TMEM45B: variants seen among roughly 807,000 people sequenced by gnomAD.
TMEM45B encodes the protein transmembrane protein 45B.
A neutral mutation model predicts 27.3 loss-of-function variants in TMEM45B; 29 were observed. That is an observed-to-expected ratio of 1.06 (90% confidence interval 0.79 to 1.45). The LOEUF (loss-of-function observed/expected upper bound fraction) is 1.45. Among genes scored for constraint, TMEM45B ranks in the 40% most tolerant of loss-of-function variants. The probability of loss-of-function intolerance (pLI) is 0.00; values close to 1 mark genes in which losing one functional copy is unlikely to be tolerated. For synonymous variants in TMEM45B, 143 were observed against 134.7 expected, an observed-to-expected ratio of 1.06 and a Z score of -0.43; for missense variants, 348 against 343.9, an observed-to-expected ratio of 1.01 and a Z score of -0.09.
rs1947965762 is a variant in TMEM45B, at chr11:129,858,679, G to A, written c.822G>A (p.Glu274=). The change falls in exon 6 of 6, where the codon GAG becomes GAA. Residue 274 remains glutamate, a synonymous_variant. Coordinates refer to ENST00000281441, the MANE Select transcript of TMEM45B (RefSeq NM_138788.5). ...CCGCCCTCTTGAGTGGCTCAGATGA[G>A]GAATGAGCCGAGATGCGGAGGGCGC... ...YQTALLSGSD[E]E 3.2e-6 allele frequency: 5 copies of A among 1,557,752 alleles called. No individual in the cohort carries two copies. The highest frequency in any genetic ancestry group is 2.4e-5 in the East Asian group (1 of 42,452).
At chr11:129,857,743 A>T (rs761340115) in intron 5 of TMEM45B, among the ~76,000 whole-genome samples, 13 of 152,138 alleles carry the variant, frequency 8.5e-5, no homozygotes, top group Admixed American at 4.6e-4. Flanking sequence ...CTGAAATGGG[A>T]ATCAGTACTG....
At chr11:129,853,197 T>C (rs1289712081) in intron 2 of TMEM45B, among the ~76,000 whole-genome samples, 2 of 152,162 alleles carry the variant, frequency 1.3e-5, no homozygotes, top group Non-Finnish European at 2.9e-5. Flanking sequence ...TTTCCTTCAC[T>C]CTGCCCCATT....
chr11:129,847,696 G>A, intron 1 of TMEM45B, among the ~76,000 whole-genome samples: 1 of 151,898 alleles, frequency 6.6e-6, no homozygotes, highest in Non-Finnish European at 1.5e-5. Flanking sequence ...GAGAGCACAG[G>A]GTTGGGGGTA....
intron 1 of TMEM45B, 99 bp from the exon 2 acceptor site, chr11:129,852,376 A>C (rs528169945): frequency 9.4e-7 from 1 of 1,064,594 alleles, no homozygotes; most frequent in East Asian, 2.5e-5. Flanking sequence ...AACGTGGCTT[A>C]TGATTTGCAA....
intron 1 of TMEM45B, among the ~76,000 whole-genome samples, chr11:129,828,794 A>G (rs1039745113): frequency 1.3e-5 from 2 of 152,220 alleles, no homozygotes; most frequent in African/African-American, 4.8e-5. Flanking sequence ...CACACGTCTC[A>G]TTCCCATTAA....
chr11:129,858,589 GAA>G lies in TMEM45B; in HGVS notation c.733_734del (p.Lys245GlufsTer17), dbSNP rs1042783427. 6 of 1,586,246 alleles carry G rather than the reference GAA, an allele frequency of 3.8e-6. No individual in the cohort carries two copies. In the African/African-American group the frequency reaches 8.0e-5, roughly 21 times the overall value. On this transcript the variant is annotated frameshift_variant, in exon 6 of 6. Coordinates refer to ENST00000281441, the MANE Select transcript of TMEM45B (RefSeq NM_138788.5). LOFTEE classifies it high-confidence loss of function. ...TCTATTAAAGCCTTTTGACTCGGAT[GAA>G]GAGACACGGAAGGGGAGAAATCATT... The part of the protein sequence containing the change: ...SLVYCLLTRM[K>X]RHGRGEIIGI...
intron 1 of TMEM45B, among the ~76,000 whole-genome samples, chr11:129,834,158 C>T (rs566247831): frequency 3.9e-4 from 59 of 152,234 alleles, no homozygotes; most frequent in Middle Eastern, 3.4e-3. Flanking sequence ...TAGCCGGGCG[C>T]GGTGGCTCAC....
chr11:129,832,722 G>A (rs747933073), intron 1 of TMEM45B, among the ~76,000 whole-genome samples: 9 of 151,994 alleles, frequency 5.9e-5, no homozygotes, highest in East Asian at 1.9e-4. Context: ...TAAATTTTAC[G>A]GTACGTAAAT....
chr11:129,834,400 C>T (rs1947592409), intron 1 of TMEM45B, among the ~76,000 whole-genome samples: 1 of 151,594 alleles, frequency 6.6e-6, no homozygotes, highest in Non-Finnish European at 1.5e-5. Context: ...CACTGCACTC[C>T]AGCCTCGGCA....
At chr11:129,824,925 C>A (rs1947460376) in intron 1 of TMEM45B, among the ~76,000 whole-genome samples, 2 of 151,974 alleles carry the variant, frequency 1.3e-5, no homozygotes, top group South Asian at 2.1e-4. Context: ...TTAGAGGGGA[C>A]AACATGAGCA....
At chr11:129,835,628 CT>C (rs1947610849) in intron 1 of TMEM45B, among the ~76,000 whole-genome samples, 1 of 152,200 alleles carries the variant, frequency 6.6e-6, no homozygotes, top group East Asian at 1.9e-4. Flanking sequence ...CTACTGCCAC[CT>C]TGGGCCCAGG....
At chr11:129,843,637 A>C (rs1251128481) in intron 1 of TMEM45B, among the ~76,000 whole-genome samples, 1 of 151,666 alleles carries the variant, frequency 6.6e-6, no homozygotes, top group East Asian at 1.9e-4. Flanking sequence ...AAGGACCTGC[A>C]TAGACATTTC....
At chr11:129,849,909 CTTTGGAGTCATTTTCCGAAATGA>C (rs1461490551) in intron 1 of TMEM45B, among the ~76,000 whole-genome samples, 6 of 152,238 alleles carry the variant, frequency 3.9e-5, no homozygotes, top group South Asian at 4.1e-4. Context: ...TCCGAAATGG[CTTTGGAGTCATTTTCCGAAATGA>C]CTTTGGGGTC....
chr11:129,822,077 T>G (rs1947425920), intron 1 of TMEM45B, among the ~76,000 whole-genome samples: 1 of 152,206 alleles, frequency 6.6e-6, no homozygotes, highest in South Asian at 2.1e-4. Flanking sequence ...TTAAAAAATA[T>G]CCCATGTTTT....
intron 1 of TMEM45B, 58 bp downstream of exon 1, chr11:129,815,956 G>C: frequency 7.9e-7 from 1 of 1,263,806 alleles, no homozygotes; most frequent in Non-Finnish European, 9.9e-7. Flanking sequence ...AAGGGAGAGG[G>C]GGCCCCGCCA....
chr11:129,824,445 G>C (rs1183992747), intron 1 of TMEM45B, among the ~76,000 whole-genome samples: 4 of 152,192 alleles, frequency 2.6e-5, no homozygotes, highest in Non-Finnish European at 5.9e-5. Context: ...TGTGATTTCA[G>C]ATATCATCTG....
At position 129,856,583 on chromosome 11, in the gene TMEM45B, A is replaced by G. The variant is rs1341809327; in HGVS notation, c.570+691A>G. Among the ~76,000 whole-genome samples, 5 of 124,406 alleles carry G rather than the reference A, an allele frequency of 4.0e-5. 1 individual carries two copies. The highest frequency in any genetic ancestry group is 8.0e-5 in the Non-Finnish European group (5 of 62,256). The allele number at this position is 124,406 out of a possible 152,430, so 81.6% of individuals were successfully genotyped here. ...TTTTTTTTTTTTTTTTTTCTGAGACAGAGTCTCGCTTTGTCGCCCAGGCTG... is the reference window on the plus strand; with the variant it reads ...TTTTTTTTTTTTTTTTTTCTGAGACGGAGTCTCGCTTTGTCGCCCAGGCTG... On this transcript the variant is annotated intron_variant, in intron 4 of 5. Transcript: ENST00000281441.
chr11:129,840,096 C>T (rs1219383000), intron 1 of TMEM45B, among the ~76,000 whole-genome samples: 1 of 152,162 alleles, frequency 6.6e-6, no homozygotes, highest in Non-Finnish European at 1.5e-5. Flanking sequence ...TTACCTTATT[C>T]CTCCTGTAAC....
chr11:129,825,989 G>T (rs201509435), intron 1 of TMEM45B, among the ~76,000 whole-genome samples: 50,664 of 146,810 alleles, frequency 0.35, 9,092 homozygotes, highest in East Asian at 0.48. Context: ...GTTTTTTTTG[G>T]TTTTTTTTTT....
Sources: gnomAD v4.1 joint callset for allele counts (sites outside exome capture counted in the v4.1 genomes callset) on GRCh38, gnomAD v4.1.1 for gene constraint, MANE v1.5 for transcripts, NCBI Gene and HGNC (gene_info 2026-07-23, HGNC 2026-07-21) for gene names.